The following SGCD variants were observed in gnomAD, a reference collection of about 807,000 sequenced individuals.
SGCD encodes the protein sarcoglycan delta, also known as delta-sarcoglycan.
Under a neutral mutation model 36.6 loss-of-function variants are expected in SGCD, and 18 were observed. The observed-to-expected ratio is 0.49, with a 90% confidence interval of 0.34 to 0.73. SGCD has a LOEUF of 0.73. Ranked by LOEUF, SGCD falls within the 30% of genes least tolerant of loss-of-function variation. The pLI is 0.01. For synonymous variants in SGCD, 133 were observed against 130.6 expected, an observed-to-expected ratio of 1.02 and a Z score of -0.12; for missense variants, 387 against 346.7, an observed-to-expected ratio of 1.12 and a Z score of -0.92.
intron 4 of SGCD, among the ~76,000 whole-genome samples, chr5:156,574,447 T>G (rs575731115): frequency 6.6e-6 from 1 of 152,292 alleles, no homozygotes; most frequent in Admixed American, 6.5e-5. Context: ...TTGTACATTA[T>G]TATCCCCATT....
intron 1 of SGCD, among the ~76,000 whole-genome samples, chr5:156,075,860 G>T (rs534380708): frequency 5.2e-4 from 79 of 152,310 alleles, no homozygotes; most frequent in African/African-American, 1.9e-3. Context: ...TCTACTTGCA[G>T]CTCATCTCCA....
At chr5:156,165,976 G>A (rs942730388) in intron 3 of SGCD, among the ~76,000 whole-genome samples, 1 of 152,178 alleles carries the variant, frequency 6.6e-6, no homozygotes, top group Non-Finnish European at 1.5e-5. Flanking sequence ...TGACAACACA[G>A]CATTTTTGTT....
At chr5:156,497,644 TCACA>T (rs200511711) in intron 3 of SGCD, among the ~76,000 whole-genome samples, 1 of 141,536 alleles carries the variant, frequency 7.1e-6, no homozygotes, top group African/African-American at 2.8e-5. Flanking sequence ...TCTCTCTCTC[TCACA>T]CACACACACA....
At chr5:156,236,429 G>T (rs904589337) in intron 3 of SGCD, among the ~76,000 whole-genome samples, 3 of 151,734 alleles carry the variant, frequency 2.0e-5, no homozygotes, top group African/African-American at 7.3e-5. Context: ...TGAATTACAG[G>T]TGGATAATGC....
chr5:155,998,492 A>G lies in SGCD; in HGVS notation c.-281-119386A>G, dbSNP rs189569619. The stretch of plus-strand genomic sequence containing the variant: ...TTTTCCCTTCTTCCTGGGTTCCTCT[A>G]TTGGCTTACATTGTAATCAGAAAAA... On this transcript the variant is annotated intron_variant, in intron 1 of 9. Transcript: ENST00000517913. Among the ~76,000 whole-genome samples the G allele has an allele frequency of 1.6e-4, 25 of 152,246 alleles. No homozygotes were observed. The East Asian group carries it at 4.3e-3, about 26-fold the overall frequency.
At chr5:156,030,634 G>A (rs1429042502) in intron 1 of SGCD, among the ~76,000 whole-genome samples, 2 of 152,154 alleles carry the variant, frequency 1.3e-5, no homozygotes, top group Non-Finnish European at 2.9e-5. Flanking sequence ...GTGATACCAA[G>A]GAAATGAATG....
chr5:156,381,405 T>C (rs906166365), intron 3 of SGCD, among the ~76,000 whole-genome samples: 1 of 152,136 alleles, frequency 6.6e-6, no homozygotes, highest in Non-Finnish European at 1.5e-5. Context: ...GAAAATCAAA[T>C]TGGTCTTTTA....
intron 3 of SGCD, 82 bp from the exon 4 acceptor site, chr5:156,508,519 A>T: frequency 1.3e-6 from 1 of 765,312 alleles, no homozygotes; most frequent in Non-Finnish European, 2.2e-6. Context: ...AAAAAAGGCT[A>T]TAACTACGTT....
intron 1 of SGCD, among the ~76,000 whole-genome samples, chr5:156,094,479 G>T (rs1761328480): frequency 1.3e-5 from 2 of 152,160 alleles, no homozygotes; most frequent in African/African-American, 4.8e-5. Flanking sequence ...TGGCATTATG[G>T]TATTTATTCT....
At chr5:156,462,334 A>T (rs1754522944) in intron 3 of SGCD, among the ~76,000 whole-genome samples, 1 of 152,160 alleles carries the variant, frequency 6.6e-6, no homozygotes, top group African/African-American at 2.4e-5. Flanking sequence ...CTACCTTATG[A>T]CTTCTGACAC....
At chr5:156,624,510 G>A (rs1056966549) in intron 6 of SGCD, among the ~76,000 whole-genome samples, 1 of 152,198 alleles carries the variant, frequency 6.6e-6, no homozygotes, top group African/African-American at 2.4e-5. Flanking sequence ...GAACCCAGGA[G>A]GCGGAGTTTG....
At chr5:156,604,594 T>C (rs1761339866) in intron 6 of SGCD, among the ~76,000 whole-genome samples, 1 of 151,852 alleles carries the variant, frequency 6.6e-6, no homozygotes, top group African/African-American at 2.4e-5. Flanking sequence ...TCCAGTCACA[T>C]GAGAAATACT....
At chr5:155,958,477 T>G (rs1182360887) in intron 1 of SGCD, among the ~76,000 whole-genome samples, 1 of 152,134 alleles carries the variant, frequency 6.6e-6, no homozygotes, top group Non-Finnish European at 1.5e-5. Context: ...CAATCTATTC[T>G]GCTGTCTACT....
chr5:156,583,858 ATTGT>A (rs1237006188), intron 4 of SGCD, among the ~76,000 whole-genome samples: 1 of 152,240 alleles, frequency 6.6e-6, no homozygotes, highest in African/African-American at 2.4e-5. Flanking sequence ...AAAAATAATG[ATTGT>A]TTGGTAGATA....
At chr5:155,768,983 C>T in the SGCD span, among the ~76,000 whole-genome samples, 1 of 152,056 alleles carries the variant, frequency 6.6e-6, no homozygotes, top group Non-Finnish European at 1.5e-5. Flanking sequence ...TGCAGTATTG[C>T]TTATGATAAC....
chr5:156,032,720 A>C (rs1759380945), intron 1 of SGCD, among the ~76,000 whole-genome samples: 1 of 147,416 alleles, frequency 6.8e-6, no homozygotes, highest in Non-Finnish European at 1.5e-5. Context: ...AAAAAAAAAA[A>C]AAAAAAAAAA....
intron 1 of SGCD, among the ~76,000 whole-genome samples, chr5:156,036,264 G>C (rs1199837793): frequency 2.0e-5 from 3 of 152,176 alleles, no homozygotes. Context: ...AGGAGAATCA[G>C]GTGGCTAACA....
At chr5:156,274,255 A>G (rs975094713) in intron 3 of SGCD, among the ~76,000 whole-genome samples, 2 of 152,146 alleles carry the variant, frequency 1.3e-5, no homozygotes, top group Non-Finnish European at 2.9e-5. Flanking sequence ...AAAATTAAAA[A>G]TTCTCAACCA....
chr5:156,405,555 A>AAATCACTTTC (rs1220669955), intron 3 of SGCD, among the ~76,000 whole-genome samples: 1 of 152,204 alleles, frequency 6.6e-6, no homozygotes, highest in Non-Finnish European at 1.5e-5. Flanking sequence ...CCAAGTCTAG[A>AAATCACTTTC]AATCACAGAT....
Sources: allele counts gnomAD v4.1 joint callset (sites outside exome capture counted in the v4.1 genomes callset), GRCh38; gene constraint gnomAD v4.1.1; transcripts MANE v1.5; gene names NCBI Gene and HGNC (gene_info 2026-07-23, HGNC 2026-07-21).